Variants in NUDT18 observed in about 807,000 individuals in gnomAD.
The protein encoded by NUDT18 is 8-oxo-dGDP phosphatase NUDT18.
Under a neutral mutation model 27.6 loss-of-function variants are expected in NUDT18, and 26 were observed. That is an observed-to-expected ratio of 0.94 (90% CI 0.69 to 1.31). The LOEUF is 1.31. Among genes scored for constraint, NUDT18 ranks in the 50% most tolerant of loss-of-function variants. NUDT18 has a pLI of 0.00. For synonymous variants in NUDT18, 220 were observed against 196.9 expected (o/e 1.12, Z -0.98); for missense variants, 450 against 433.4 (o/e 1.04, Z -0.34).
upstream of NUDT18, chr8:22,109,576 G>C (rs569524345): frequency 1.6e-4 from 83 of 525,928 alleles, no homozygotes; most frequent in Middle Eastern, 2.8e-3. Flanking sequence ...CACGGGTCCG[G>C]AGCCCAGCGG....
At position 22,109,222 on chromosome 8, in the gene NUDT18, C is replaced by T; in HGVS notation, c.79G>A (p.Ala27Thr). ...GGCGCCGGCGGCTCCCCGGCCGGCGCCGAGTCGCAGCTGTGCACGCTGGAC... is the reference window on the plus strand; with the variant it reads ...GGCGCCGGCGGCTCCCCGGCCGGCGTCGAGTCGCAGCTGTGCACGCTGGAC... ...QGSSVHSCDS[A>T]PAGEPPAPVR... Residue 27 changes from alanine to threonine, a missense_variant, in exon 1 of 3, where the codon GCG becomes ACG. Coordinates refer to ENST00000611621, the MANE Select transcript of NUDT18 (RefSeq NM_024815.4). The T allele has an allele frequency of 6.9e-7, 1 of 1,441,616 alleles. No individual in the cohort carries two copies. The highest frequency in any genetic ancestry group is 9.0e-7 in the Non-Finnish European group (1 of 1,107,182). The allele number at this position is 1,441,616 out of a possible 1,614,324, so 89.3% of individuals were successfully genotyped here.
At chr8:22,108,616 G>A (rs374262816) in intron 1 of NUDT18, among the ~76,000 whole-genome samples, 86 of 152,344 alleles carry the variant, frequency 5.6e-4, no homozygotes, top group African/African-American at 2.1e-3. Context: ...GCCCCAGAGT[G>A]AGGGTCACCA....
At chr8:22,109,582 A>C, upstream of NUDT18, 1 of 524,804 alleles carries the variant, frequency 1.9e-6, no homozygotes, top group Non-Finnish European at 3.6e-6. Context: ...TCCGGAGCCC[A>C]GCGGACCCCG....
Position 22,109,413 on chromosome 8 carries a change from T to A in NUDT18, c.-113A>T. 2 of 347,364 alleles carry A rather than the reference T, an allele frequency of 5.8e-6. No individual in the cohort carries two copies. Among genetic ancestry groups the A allele is most frequent in the Non-Finnish European group, 8.3e-6 (2 of 241,380 alleles). 21.5% of individuals were successfully genotyped at this position (347,364 alleles called of 1,614,324 possible). A position where few individuals can be genotyped will look rare whatever the true frequency, so the allele number is the denominator to read the frequency against. On this transcript the variant is annotated 5_prime_UTR_variant, in exon 1 of 3. Coordinates refer to ENST00000611621, the MANE Select transcript of NUDT18 (RefSeq NM_024815.4). ...GTCCCTGCGGCAGCGGGCCGGGAGC[T>A]CACGAGAACGCGGAAGCGCACGCGA... is the stretch of plus-strand genomic sequence containing the variant.
At chr8:22,109,440 C>A (rs1475362686), upstream of NUDT18, 1 of 632,796 alleles carries the variant, frequency 1.6e-6, no homozygotes, top group Non-Finnish European at 2.4e-6. Flanking sequence ...CGCACGCGAA[C>A]GCGGAAGCGC....
chr8:22,107,227 C>A lies in NUDT18; in HGVS notation c.*73G>T. 1 of 1,207,326 alleles carries A rather than the reference C, an allele frequency of 8.3e-7. No individual in the cohort carries two copies. Among genetic ancestry groups the A allele is most frequent in the Non-Finnish European group, 1.1e-6 (1 of 873,498 alleles). The allele number at this position is 1,207,326 out of a possible 1,614,324, so 74.8% of individuals were successfully genotyped here. ...AGATCCCTGATCGCCAGCCTCTTGC[C>A]TCCCTCAGAGGGAGACAAGTCCGCA... On this transcript the variant is annotated 3_prime_UTR_variant, in exon 3 of 3. Coordinates refer to ENST00000611621, the MANE Select transcript of NUDT18 (RefSeq NM_024815.4).
In NUDT18 at chr8:22,107,442, G is replaced by A; in HGVS notation, c.830C>T (p.Ala277Val). The change falls in exon 3 of 3, where the codon GCT becomes GTT. Residue 277 changes from alanine (A) to valine (V), a missense_variant. By Grantham distance (64) the Ala-to-Val change is moderately conservative (BLOSUM62 0). Transcript: ENST00000611621. The stretch of plus-strand genomic sequence containing the variant: ...ATCCTGGATCCCTGGGCTCCGAAAA[G>A]CCACGGTCACCAGCACATTCAAACA... ...GICLNVLVTV[A>V]FRSPGIQDEP... The A allele has an allele frequency of 6.2e-7, 1 of 1,613,350 alleles. No individual in the cohort carries two copies. The highest frequency in any genetic ancestry group is 8.5e-7 in the Non-Finnish European group (1 of 1,179,872).
rs745332782 is a variant in NUDT18 at position 22,107,300 on chromosome 8, C to G, written c.972G>C (p.Ter324TyrextTer74). 4 of 1,590,132 alleles carry G rather than the reference C, an allele frequency of 2.5e-6. No homozygotes were observed. The African/African-American group carries it at 4.0e-5, about 16-fold the overall frequency. Residue 324 changes from the stop codon to tyrosine, a stop_lost, in exon 3 of 3, where the codon TAG (stop) becomes TAC (tyrosine). Transcript: ENST00000611621. ...QGSSVVPVNR[*>Y] Reference sequence around the variant, plus strand: ...GCTCCCTGTCACCTCCCCCACCTCTCTATCTGTTCACTGGGACAACAGAGG... The same window carrying G: ...GCTCCCTGTCACCTCCCCCACCTCTGTATCTGTTCACTGGGACAACAGAGG...
intron 1 of NUDT18, among the ~76,000 whole-genome samples, chr8:22,108,575 C>A (rs914407124): frequency 6.6e-6 from 1 of 152,216 alleles, no homozygotes; most frequent in Non-Finnish European, 1.5e-5. Context: ...GGCTGAGATT[C>A]CTGGAAGCCG....
In NUDT18 at chr8:22,109,119, G is replaced by A. The variant is rs989542873; in HGVS notation, c.162+20C>T. ...GCTGCGCGCTCCCGAGGCCCGGCGG[G>A]CCCGGGGGCGGCCGCTCACCTGCTC... On this transcript the variant is annotated intron_variant, in intron 1 of 2. Transcript: ENST00000611621. 1.4e-6 allele frequency: 2 copies of A among 1,402,072 alleles called. No individual in the cohort carries two copies. Among genetic ancestry groups the A allele is most frequent in the Non-Finnish European group, 9.2e-7 (1 of 1,089,506 alleles). 86.9% of individuals were successfully genotyped at this position (1,402,072 alleles called of 1,614,324 possible). A position where few individuals can be genotyped will look rare whatever the true frequency, so the allele number is the denominator to read the frequency against.
At chr8:22,109,466 G>C (rs1826432639), upstream of NUDT18, 2 of 568,614 alleles carry the variant, frequency 3.5e-6, no homozygotes, top group South Asian at 3.0e-5. Flanking sequence ...AGCTCTGGCC[G>C]CTGATAGGCT....
In NUDT18 at chr8:22,109,354, C is replaced by T; in HGVS notation, c.-54G>A. On this transcript the variant is annotated 5_prime_UTR_variant, in exon 1 of 3. Coordinates refer to ENST00000611621, the MANE Select transcript of NUDT18 (RefSeq NM_024815.4). ...TCCTCGCAGACCGACTGAGCCGAGC[C>T]GCGGGCTAGAGTGCGCTGCGGAGCC... The T allele has an allele frequency of 1.5e-6, 1 of 688,346 alleles. No homozygotes were observed. Among genetic ancestry groups the T allele is most frequent in the South Asian group, 3.4e-5 (1 of 29,162 alleles). The allele number at this position is 688,346 out of a possible 1,614,324, so 42.6% of individuals were successfully genotyped here.
chr8:22,107,595 TG>T lies in NUDT18; in HGVS notation c.676del (p.Gln226ArgfsTer5), dbSNP rs1826388037. ...GACGGCCATCTTCATGCCACCCCTC[TG>T]CTCCATAGGGTCGAGGCCACAGGCA... ...VTACGLDPME[Q>X]RGGMKMAVLR... On this transcript the variant is annotated frameshift_variant, in exon 3 of 3. Coordinates refer to ENST00000611621, the MANE Select transcript of NUDT18 (RefSeq NM_024815.4). LOFTEE classifies it high-confidence loss of function. The T allele has an allele frequency of 1.3e-5, 21 of 1,613,234 alleles. No homozygotes were observed. The highest frequency in any genetic ancestry group is 1.7e-5 in the Non-Finnish European group (20 of 1,179,858).
chr8:22,109,108 AGGCCCGGCG>A (rs1173867580), intron 1 of NUDT18, 22 bp downstream of exon 1: 1 of 1,384,724 alleles, frequency 7.2e-7, no homozygotes, highest in Non-Finnish European at 9.3e-7. Flanking sequence ...CGCGCTCCCG[AGGCCCGGCG>A]GGCCCGGGGG....
Position 22,106,948 on chromosome 8 carries a change from G to C in NUDT18, c.*352C>G, listed in dbSNP as rs970097383. ...CCTTCCCCAGTGCCCCTCCATGCTC[G>C]AAGGGCCTGGAAGGATCAGAATGCA... On this transcript the variant is annotated 3_prime_UTR_variant, in exon 3 of 3. Transcript: ENST00000611621. The C allele has an allele frequency of 1.5e-5, 3 of 199,614 alleles. No individual in the cohort carries two copies. Among genetic ancestry groups the C allele is most frequent in the Non-Finnish European group, 3.0e-5 (3 of 98,600 alleles). 12.4% of individuals were successfully genotyped at this position (199,614 alleles called of 1,614,324 possible). A position where few individuals can be genotyped will look rare whatever the true frequency, so the allele number is the denominator to read the frequency against.
chr8:22,108,856 T>C (rs945888181), intron 1 of NUDT18, among the ~76,000 whole-genome samples: 6 of 152,108 alleles, frequency 3.9e-5, no homozygotes, highest in Admixed American at 6.5e-5. Flanking sequence ...TAAGCCGGGA[T>C]TGAGCCACTG....
rs1426439137 is a variant in NUDT18 at position 22,108,021 on chromosome 8, G to A, written c.376+112C>T. The A allele has an allele frequency of 3.7e-6, 5 of 1,349,868 alleles. No individual in the cohort carries two copies. The African/African-American group carries it at 5.9e-5, about 16-fold the overall frequency. The allele number at this position is 1,349,868 out of a possible 1,614,324, so 83.6% of individuals were successfully genotyped here. A position where few individuals can be genotyped will look rare whatever the true frequency, so the allele number is the denominator to read the frequency against. ...AGCCCAAAGGCTGGAATCTGCCCATGCCAGGCTGTGCCAGCCATAACAGGA... is the reference window on the plus strand; with the variant it reads ...AGCCCAAAGGCTGGAATCTGCCCATACCAGGCTGTGCCAGCCATAACAGGA... On this transcript the variant is annotated intron_variant, in intron 2 of 2. Transcript: ENST00000611621.
At chr8:22,109,541 CG>C, upstream of NUDT18, 2 of 458,562 alleles carry the variant, frequency 4.4e-6, no homozygotes, top group Non-Finnish European at 7.9e-6. Context: ...CGGGGCCGCC[CG>C]GGGCCGCCCT....
At position 22,106,948 on chromosome 8, in the gene NUDT18, G is replaced by A. The variant is rs970097383; in HGVS notation, c.*352C>T. ...CCTTCCCCAGTGCCCCTCCATGCTC[G>A]AAGGGCCTGGAAGGATCAGAATGCA... On this transcript the variant is annotated 3_prime_UTR_variant, in exon 3 of 3. Coordinates refer to ENST00000611621, the MANE Select transcript of NUDT18 (RefSeq NM_024815.4). 1 of 199,732 alleles carries A rather than the reference G, an allele frequency of 5.0e-6. No homozygotes were observed. Among genetic ancestry groups the A allele is most frequent in the Non-Finnish European group, 1.0e-5 (1 of 98,592 alleles). 12.4% of individuals were successfully genotyped at this position (199,732 alleles called of 1,614,324 possible).
Sources: gnomAD v4.1 joint callset for allele counts (sites outside exome capture counted in the v4.1 genomes callset) on GRCh38, gnomAD v4.1.1 for gene constraint, MANE v1.5 for transcripts, NCBI Gene and HGNC (gene_info 2026-07-23, HGNC 2026-07-21) for gene names.